The following AUTS2 variants were observed in gnomAD, a reference collection of about 807,000 sequenced individuals.
AUTS2 encodes the protein activator of transcription and developmental regulator AUTS2.
Under a neutral mutation model 112.4 loss-of-function variants are expected in AUTS2, and 17 were observed. That is an observed-to-expected ratio of 0.15 (90% CI 0.10 to 0.23). AUTS2 has a LOEUF of 0.23. Ranked by LOEUF, AUTS2 falls within the 10% of genes least tolerant of loss-of-function variation. The probability of loss-of-function intolerance (pLI) is 1.00; values close to 1 mark genes in which losing one functional copy is unlikely to be tolerated. For synonymous variants in AUTS2, 751 were observed against 702.7 expected, an observed-to-expected ratio of 1.07 and a Z score of -1.09; for missense variants, 1,510 against 1,701.6, an observed-to-expected ratio of 0.89 and a Z score of 1.98.
intron 4 of AUTS2, among the ~76,000 whole-genome samples, chr7:70,306,778 G>T (rs1475871526): frequency 6.6e-6 from 1 of 152,198 alleles, no homozygotes; most frequent in Non-Finnish European, 1.5e-5. Context: ...CTGGCCACCA[G>T]GTCCGTAATC....
At chr7:70,718,526 G>C (rs537973829) in intron 6 of AUTS2, among the ~76,000 whole-genome samples, 1 of 152,118 alleles carries the variant, frequency 6.6e-6, no homozygotes, top group Admixed American at 6.5e-5. Context: ...AGCCAGGTGT[G>C]GTGGCGCACA....
chr7:70,609,654 C>G (rs1306872510), intron 5 of AUTS2, among the ~76,000 whole-genome samples: 2 of 151,554 alleles, frequency 1.3e-5, no homozygotes, highest in African/African-American at 4.9e-5. Context: ...GTCTCCATCT[C>G]CTGACCTCAT....
At chr7:70,470,460 G>A (rs1425215711) in intron 5 of AUTS2, among the ~76,000 whole-genome samples, 5 of 152,222 alleles carry the variant, frequency 3.3e-5, no homozygotes, top group African/African-American at 1.2e-4. Context: ...AATAGAGAGA[G>A]GAGATTAAAT....
At position 70,469,865 on chromosome 7, in the gene AUTS2, C is replaced by T. The variant is rs181392560; in HGVS notation, c.690+34084C>T. ...AGGTTGGCCAGGCTGGTCTGGAACT[C>T]CTGACCTCAGGTGATCCGCCTGCCT... is the stretch of plus-strand genomic sequence containing the variant. On this transcript the variant is annotated intron_variant, in intron 5 of 18. Coordinates refer to ENST00000342771, the MANE Select transcript of AUTS2 (RefSeq NM_015570.4). Among the ~76,000 whole-genome samples, 1,382 of 152,312 alleles carry T rather than the reference C, an allele frequency of 9.1e-3. 13 individuals are homozygous for T. Among genetic ancestry groups the T allele is most frequent in the Non-Finnish European group, 0.016 (1,083 of 68,026 alleles).
At chr7:70,112,395 G>T (rs555673991) in intron 2 of AUTS2, among the ~76,000 whole-genome samples, 2 of 151,956 alleles carry the variant, frequency 1.3e-5, no homozygotes, top group South Asian at 2.1e-4. Context: ...TCAGTTGGTG[G>T]TAATGTCCCA....
intron 1 of AUTS2, among the ~76,000 whole-genome samples, chr7:69,730,662 G>T (rs916531031): frequency 1.3e-5 from 2 of 152,148 alleles, no homozygotes; most frequent in African/African-American, 4.8e-5. Flanking sequence ...ATGCACTTAA[G>T]CCTTCTCTTA....
At chr7:69,730,924 G>A (rs1448166261) in intron 1 of AUTS2, among the ~76,000 whole-genome samples, 3 of 152,126 alleles carry the variant, frequency 2.0e-5, no homozygotes, top group African/African-American at 7.2e-5. Flanking sequence ...CTGAGTACTT[G>A]GTGAAGACTT....
rs183995584 is a variant in AUTS2 at position 70,045,733 on chromosome 7, C to T, written c.523-72399C>T. Reference sequence around the variant, plus strand: ...AAACAGTTCTCCTGCCCCAGCCTCCCGAGTAGCTGGGATTACAGGCGCATG... The same window carrying T: ...AAACAGTTCTCCTGCCCCAGCCTCCTGAGTAGCTGGGATTACAGGCGCATG... On this transcript the variant is annotated intron_variant, in intron 2 of 18. Coordinates refer to ENST00000342771, the MANE Select transcript of AUTS2 (RefSeq NM_015570.4). Among the ~76,000 whole-genome samples, 261 of 151,492 alleles carry T rather than the reference C, an allele frequency of 1.7e-3. 1 individual carries two copies. Among genetic ancestry groups the T allele is most frequent in the South Asian group, 1.7e-3 (8 of 4,792 alleles).
chr7:70,593,216 A>G (rs967213868), intron 5 of AUTS2, among the ~76,000 whole-genome samples: 2 of 152,188 alleles, frequency 1.3e-5, no homozygotes, highest in Non-Finnish European at 2.9e-5. Flanking sequence ...AGAGACAATA[A>G]TAGTACCTAC....
chr7:70,326,926 T>TG (rs1357160707), intron 4 of AUTS2, among the ~76,000 whole-genome samples: 1 of 149,234 alleles, frequency 6.7e-6, no homozygotes, highest in Non-Finnish European at 1.5e-5. Context: ...TCTTTTTTTT[T>TG]TTTTTTTTTG....
At position 70,790,071 on chromosome 7, in the gene AUTS2, C is replaced by A. The variant is rs779458839; in HGVS notation, c.2855C>A (p.Ala952Asp). 4.3e-5 allele frequency: 68 copies of A among 1,576,802 alleles called. No homozygotes were observed. Among genetic ancestry groups the A allele is most frequent in the Non-Finnish European group, 5.5e-5 (64 of 1,163,338 alleles). Residue 952 changes from alanine (A) to aspartate (D), a missense_variant, in exon 19 of 19, where the codon GCC becomes GAC. By Grantham distance (126) the Ala-to-Asp change is moderately radical (BLOSUM62 -2). This residue lies in a region of AUTS2 where 788 missense variants were observed against 797.6 expected (regional missense o/e 0.99). Transcript: ENST00000342771. This position sits in a 1 kb window ranked among gnomAD's most constrained non-coding sequence, Gnocchi z 7.6. ...GTGCGGACCCCGGTGGTGGAGAGTGCCAGGCCCAACAGCACCTCGAGCCGG... is the reference window on the plus strand; with the variant it reads ...GTGCGGACCCCGGTGGTGGAGAGTGACAGGCCCAACAGCACCTCGAGCCGG... ...PYVRTPVVESARPNSTSSREA... is the reference protein window; with the variant it reads ...PYVRTPVVESDRPNSTSSREA...
At chr7:70,229,539 A>G (rs1339254760) in intron 4 of AUTS2, among the ~76,000 whole-genome samples, 1 of 152,154 alleles carries the variant, frequency 6.6e-6, no homozygotes, top group Non-Finnish European at 1.5e-5. Flanking sequence ...TGAAATGTGT[A>G]GATGTGGATC....
In AUTS2 at chr7:69,666,719, T is replaced by C. The variant is rs141756082; in HGVS notation, c.309+66757T>C. Among the ~76,000 whole-genome samples the C allele has an allele frequency of 3.6e-3, 553 of 152,066 alleles. 3 individuals carry two copies. The highest frequency in any genetic ancestry group is 0.012 in the African/African-American group (512 of 41,492). On this transcript the variant is annotated intron_variant, in intron 1 of 18. Transcript: ENST00000342771. ...GAGTTCCAGACCAGCCTAGGCAACATAGCAAGACTCCCATCTTGACAAAAA... is the reference window on the plus strand; with the variant it reads ...GAGTTCCAGACCAGCCTAGGCAACACAGCAAGACTCCCATCTTGACAAAAA...
intron 2 of AUTS2, among the ~76,000 whole-genome samples, chr7:70,117,551 A>G (rs1805447292): frequency 6.6e-6 from 1 of 152,076 alleles, no homozygotes; most frequent in African/African-American, 2.4e-5. Context: ...TGATGGAAAG[A>G]CTGCTTTCTA....
chr7:70,420,355 T>C (rs946390270), intron 4 of AUTS2, among the ~76,000 whole-genome samples: 3 of 152,162 alleles, frequency 2.0e-5, no homozygotes, highest in Non-Finnish European at 4.4e-5. Flanking sequence ...CTGTGACTGC[T>C]CTGTAACCTT....
chr7:69,847,908 T>A (rs1263007212), intron 1 of AUTS2, among the ~76,000 whole-genome samples: 1 of 152,234 alleles, frequency 6.6e-6, no homozygotes, highest in Non-Finnish European at 1.5e-5. Context: ...ATCCTCCTTT[T>A]ATCACTTCCC....
chr7:69,967,855 G>A (rs541385196), intron 2 of AUTS2, among the ~76,000 whole-genome samples: 1 of 152,312 alleles, frequency 6.6e-6, no homozygotes, highest in East Asian at 1.9e-4. Flanking sequence ...CCTCCCTCCA[G>A]TCTTGTCATG....
chr7:70,412,472 C>G (rs2130485365), intron 4 of AUTS2, among the ~76,000 whole-genome samples: 1 of 152,250 alleles, frequency 6.6e-6, no homozygotes, highest in South Asian at 2.1e-4. Context: ...ATGATTTATG[C>G]ATCTGTAGAA....
chr7:70,466,182 A>G (rs182163245), intron 5 of AUTS2, among the ~76,000 whole-genome samples: 161 of 152,342 alleles, frequency 1.1e-3, no homozygotes, highest in Non-Finnish European at 1.8e-3. Flanking sequence ...AGAGTCCTTC[A>G]TGTTGAAGAA....
Sources: allele counts gnomAD v4.1 joint callset (sites outside exome capture counted in the v4.1 genomes callset), GRCh38; gene constraint gnomAD v4.1.1; regional missense constraint gnomAD v4.1.1; non-coding constraint Gnocchi (gnomAD v3.1); transcripts MANE v1.5; gene names NCBI Gene and HGNC (gene_info 2026-07-23, HGNC 2026-07-21).